ZNF81: variants seen among roughly 807,000 people sequenced by gnomAD.
ZNF81 encodes zinc finger protein 81.
In ZNF81, 5 loss-of-function variants were observed where a neutral mutation model predicts 32.3. The ratio of observed to expected loss-of-function variants is 0.15; its 90% CI spans 0.08 to 0.33. The LOEUF is 0.33. ZNF81 is among the 10% of genes least tolerant of loss of function. The pLI is 1.00. For synonymous variants in ZNF81, 163 were observed against 166.8 expected, an observed-to-expected ratio of 0.98 and a Z score of 0.17; for missense variants, 379 against 479.8, an observed-to-expected ratio of 0.79 and a Z score of 1.96.
intron 2 of ZNF81, among the ~76,000 whole-genome samples, chrX:47,876,678 C>T (rs1429773809): frequency 2.7e-5 from 3 of 112,131 alleles, no homozygotes; most frequent in African/African-American, 9.7e-5. Flanking sequence ...AAGTGTCATT[C>T]GCTTGTGCAG....
At chrX:47,844,045 A>G (rs782064594) in intron 1 of ZNF81, among the ~76,000 whole-genome samples, 1 of 112,369 alleles carries the variant, frequency 8.9e-6, no homozygotes, top group South Asian at 3.7e-4. Flanking sequence ...TCCAAATACA[A>G]TGCTGTATTC....
Position 47,916,164 on chromosome X carries a change from T to C in ZNF81, c.1518T>C (p.Ala506=). 1.7e-6 allele frequency: 2 copies of C among 1,209,549 alleles called. 1 individual carries two copies. Among genetic ancestry groups the C allele is most frequent in the Middle Eastern group, 4.6e-4 (2 of 4,350 alleles). The change falls in exon 5 of 5, where the codon GCT becomes GCC. Residue 506 remains alanine (A), a synonymous_variant. Transcript: ENST00000338637. ...ATATATGCACTGAATGTGGGAAGGC[T>C]TTCACCAACAGGTCAAATCTCAATA... ...KPYICTECGK[A]FTNRSNLNTH...
At chrX:47,881,049 A>G (rs2058618961) in intron 2 of ZNF81, among the ~76,000 whole-genome samples, 1 of 111,839 alleles carries the variant, frequency 8.9e-6, no homozygotes, top group Non-Finnish European at 1.9e-5. Context: ...TAATCTATGA[A>G]TGGACTAATC....
chrX:47,878,079 T>C (rs2058606826), intron 2 of ZNF81, among the ~76,000 whole-genome samples: 1 of 111,725 alleles, frequency 9.0e-6, no homozygotes, highest in African/African-American at 3.3e-5. Flanking sequence ...GGCCGAGCCG[T>C]GAACATCCCA....
chrX:47,839,173 G>A (rs2058436834), intron 1 of ZNF81, among the ~76,000 whole-genome samples: 1 of 111,714 alleles, frequency 9.0e-6, no homozygotes, highest in Admixed American at 9.5e-5. Context: ...AAGAGACTGT[G>A]TAGAATAAGT....
intron 2 of ZNF81, among the ~76,000 whole-genome samples, chrX:47,864,866 G>A (rs1172443941): frequency 8.9e-6 from 1 of 112,337 alleles, no homozygotes; most frequent in Non-Finnish European, 1.9e-5. Context: ...CTTCCAAGTG[G>A]GAGACTGAAA....
intron 1 of ZNF81, among the ~76,000 whole-genome samples, chrX:47,845,624 A>C (rs2058467263): frequency 9.0e-6 from 1 of 111,660 alleles, no homozygotes; most frequent in African/African-American, 3.3e-5. Flanking sequence ...AACACCACTA[A>C]ACCTCTAATT....
At chrX:47,882,330 T>C (rs1219944072) in intron 2 of ZNF81, among the ~76,000 whole-genome samples, 1 of 112,196 alleles carries the variant, frequency 8.9e-6, no homozygotes, top group Non-Finnish European at 1.9e-5. Context: ...TCCCTGTAGA[T>C]TAAAATTCTT....
At chrX:47,841,008 G>A in intron 1 of ZNF81, 1 of 827,610 alleles carries the variant, frequency 1.2e-6, no homozygotes, top group Non-Finnish European at 1.8e-6. Context: ...CACCCCGATA[G>A]CCAGGTGTGC....
rs781982487 is a variant in ZNF81 at position 47,882,971 on chromosome X, C to T, written c.55-5028C>T. Among the ~76,000 whole-genome samples the T allele has an allele frequency of 4.4e-5, 5 of 112,702 alleles. No homozygotes were observed. In the South Asian group the frequency reaches 1.1e-3, roughly 24 times the overall value. ...ACACCACTGCCTCCAGCCAGGGTGA[C>T]AGAGCAAGACTCTGTCTCAAAAACA... On this transcript the variant is annotated intron_variant, in intron 2 of 4. Transcript: ENST00000338637.
At chrX:47,893,742 C>T (rs1346225120) in intron 3 of ZNF81, among the ~76,000 whole-genome samples, 1 of 107,595 alleles carries the variant, frequency 9.3e-6, no homozygotes, top group Non-Finnish European at 1.9e-5. Flanking sequence ...TTGCAGTGAG[C>T]TGAGATGGTA....
rs1264095591 is a variant in ZNF81, at chrX:47,840,990, G to A, written c.-164+4003G>A. 4.1e-6 allele frequency: 3 copies of A among 723,802 alleles called. No homozygotes were observed. The African/African-American group carries it at 6.3e-5, about 15-fold the overall frequency. 59.6% of individuals were successfully genotyped at this position (723,802 alleles called of 1,213,427 possible). A position where few individuals can be genotyped will look rare whatever the true frequency, so the allele number is the denominator to read the frequency against. Reference sequence around the variant, plus strand: ...AGTTCAGCTGGTGGATGAGCAGATTGATGTGTTCACCCCGATAGCCAGGTG... The same window carrying A: ...AGTTCAGCTGGTGGATGAGCAGATTAATGTGTTCACCCCGATAGCCAGGTG... On this transcript the variant is annotated intron_variant, in intron 1 of 4. Transcript: ENST00000338637.
At chrX:47,867,108 AG>A (rs1165442229) in intron 2 of ZNF81, among the ~76,000 whole-genome samples, 2 of 111,395 alleles carry the variant, frequency 1.8e-5, no homozygotes, top group Non-Finnish European at 3.8e-5. Flanking sequence ...GTGGGGGGTT[AG>A]GGGGAGGCTA....
At chrX:47,903,011 C>G (rs10126681) in intron 4 of ZNF81, among the ~76,000 whole-genome samples, 39,922 of 111,208 alleles carry the variant, frequency 0.36, 5,459 homozygotes, top group Non-Finnish European at 0.44. Context: ...ATTCAACAAC[C>G]CTTAAGGCTA....
intron 2 of ZNF81, among the ~76,000 whole-genome samples, chrX:47,868,670 T>C (rs1236794463): frequency 9.0e-6 from 1 of 111,438 alleles, no homozygotes; most frequent in African/African-American, 3.3e-5. Flanking sequence ...ATGTTTATTA[T>C]TCAAAGTCTC....
At chrX:47,890,230 G>A (rs2058657904) in intron 3 of ZNF81, among the ~76,000 whole-genome samples, 1 of 110,394 alleles carries the variant, frequency 9.1e-6, no homozygotes, top group Non-Finnish European at 1.9e-5. Context: ...CAATCAGAAG[G>A]ACTTGGGTGC....
intron 3 of ZNF81, among the ~76,000 whole-genome samples, chrX:47,894,648 G>T (rs1041918308): frequency 6.3e-5 from 7 of 111,453 alleles, no homozygotes; most frequent in African/African-American, 2.3e-4. Context: ...GGTAATAGGG[G>T]TGTCATTCCT....
At chrX:47,879,401 A>G (rs1320157745) in intron 2 of ZNF81, among the ~76,000 whole-genome samples, 1 of 111,751 alleles carries the variant, frequency 8.9e-6, no homozygotes, top group Admixed American at 9.5e-5. Context: ...CCAGCACAGT[A>G]TCATGGATGC....
intron 2 of ZNF81, among the ~76,000 whole-genome samples, chrX:47,855,109 G>A (rs1556881713): frequency 9.3e-6 from 1 of 107,346 alleles, no homozygotes; most frequent in East Asian, 2.9e-4. Flanking sequence ...AAAAAAATAT[G>A]TACCCTAAAA....
Sources: gnomAD v4.1 joint callset for allele counts (sites outside exome capture counted in the v4.1 genomes callset) on GRCh38, gnomAD v4.1.1 for gene constraint, MANE v1.5 for transcripts, NCBI Gene and HGNC (gene_info 2026-07-23, HGNC 2026-07-21) for gene names.